The following DNAJC2 variants were observed in gnomAD, a reference collection of about 807,000 sequenced individuals.
The protein encoded by DNAJC2 is DnaJ heat shock protein family (Hsp40) member C2, also known as dnaJ homolog subfamily C member 2.
A neutral mutation model predicts 94.0 loss-of-function variants in DNAJC2; 32 were observed. The observed-to-expected ratio is 0.34, with a 90% CI of 0.26 to 0.46. DNAJC2 has a LOEUF of 0.46. DNAJC2 is among the 20% of genes least tolerant of loss of function. The probability of loss-of-function intolerance (pLI) is 1.00; values close to 1 mark genes in which losing one functional copy is unlikely to be tolerated. For missense variants in DNAJC2, 550 were observed against 719.5 expected (o/e 0.76, Z 2.69); for synonymous variants, 210 against 229.7 (o/e 0.91, Z 0.77).
Position 103,323,468 on chromosome 7 carries a change from T to C in DNAJC2, c.719+130A>G. 4 of 987,618 alleles carry C rather than the reference T, an allele frequency of 4.1e-6. No homozygotes were observed. The South Asian group carries it at 5.4e-5, about 13-fold the overall frequency. The allele number at this position is 987,618 out of a possible 1,614,324, so 61.2% of individuals were successfully genotyped here. On this transcript the variant is annotated intron_variant, in intron 7 of 16. Transcript: ENST00000379263. ...ACTTGTGAGAAAGGATTTCAAAATA[T>C]TAAAAAATTGTTTAAAAAAGATGTA...
intron 3 of DNAJC2, among the ~76,000 whole-genome samples, chr7:103,333,884 A>G (rs898037446): frequency 6.6e-6 from 1 of 151,296 alleles, no homozygotes; most frequent in Non-Finnish European, 1.5e-5. Context: ...TTGCTTATCT[A>G]TTTCCATGTT....
intron 3 of DNAJC2, among the ~76,000 whole-genome samples, chr7:103,330,138 C>T (rs1029741302): frequency 6.6e-6 from 1 of 152,196 alleles, no homozygotes; most frequent in South Asian, 2.1e-4. Context: ...TGTGCTTTCA[C>T]TACCTACTCA....
intron 3 of DNAJC2, chr7:103,335,295 T>G (rs1054717765): frequency 2.0e-5 from 3 of 152,238 alleles, no homozygotes; most frequent in African/African-American, 7.2e-5. Flanking sequence ...TTGCAAACAG[T>G]AACTTTGCAT....
At position 103,341,963 on chromosome 7, in the gene DNAJC2, G is replaced by T. The variant is rs1330514166; in HGVS notation, c.65-9C>A. 1.3e-6 allele frequency: 2 copies of T among 1,556,160 alleles called. No individual in the cohort carries two copies. Among genetic ancestry groups the T allele is most frequent in the Non-Finnish European group, 1.7e-6 (2 of 1,153,702 alleles). ...TTGACAGAGTGTAGAGGCTGTGATT[G>T]AAAGTGTTAAGAGAGGCTTCAGTGT... On this transcript the variant is annotated splice_polypyrimidine_tract_variant and intron_variant, in intron 1 of 16. Transcript: ENST00000379263.
Position 103,344,712 on chromosome 7 carries a change from G to A in DNAJC2, c.-90C>T, listed in dbSNP as rs1819538427. Reference sequence around the variant, plus strand: ...CCCCTCCAGCTCTACCTCTCACTCCGAGCCTCGCGCCTTGGCTCTAAGACG... The same window carrying A: ...CCCCTCCAGCTCTACCTCTCACTCCAAGCCTCGCGCCTTGGCTCTAAGACG... On this transcript the variant is annotated 5_prime_UTR_variant, in exon 1 of 17. Transcript: ENST00000379263. The A allele has an allele frequency of 1.4e-6, 2 of 1,381,164 alleles. No homozygotes were observed. The highest frequency in any genetic ancestry group is 2.0e-6 in the Non-Finnish European group (2 of 988,344). 85.6% of individuals were successfully genotyped at this position (1,381,164 alleles called of 1,614,324 possible).
At chr7:103,343,226 G>A (rs1819458624) in intron 1 of DNAJC2, among the ~76,000 whole-genome samples, 1 of 151,186 alleles carries the variant, frequency 6.6e-6, no homozygotes, top group South Asian at 2.1e-4. Context: ...GTCTCGAACT[G>A]CTGACCTCAG....
In DNAJC2 at chr7:103,344,568, G is replaced by C. The variant is rs1410181415; in HGVS notation, c.55C>G (p.Leu19Val). 6.2e-7 allele frequency: 1 copy of C among 1,613,698 alleles called. No homozygotes were observed. Among genetic ancestry groups the C allele is most frequent in the African/African-American group, 1.3e-5 (1 of 75,064 alleles). Residue 19 changes from leucine to valine, a missense_variant, in exon 1 of 17, where the codon CTG becomes GTG. Leu to Val is a conservative substitution (Grantham distance 32). Coordinates refer to ENST00000379263, the MANE Select transcript of DNAJC2 (RefSeq NM_014377.3). The part of the protein sequence containing the change: ...DGRGTAITHA[L>V]TSASTLCQVE... ...TTGGGTGGGCACTTACCAGAGGTCA[G>C]AGCGTGGGTGATGGCGGTGCCCCGG... is the stretch of plus-strand genomic sequence containing the variant.
intron 7 of DNAJC2, 139 bp from the exon 8 acceptor site, chr7:103,322,933 ATT>A (rs375301640): frequency 7.2e-4 from 416 of 577,062 alleles, no homozygotes; most frequent in Middle Eastern, 2.1e-3. Flanking sequence ...TTAAACAATG[ATT>A]TTTTTTTTTT....
At chr7:103,319,923 T>C in intron 10 of DNAJC2, 79 bp from the exon 11 acceptor site, 1 of 1,481,452 alleles carries the variant, frequency 6.8e-7, no homozygotes, top group Non-Finnish European at 9.4e-7. Context: ...TAATCCCAGC[T>C]ACTCGGGAGG....
chr7:103,341,146 G>A (rs540576495), intron 2 of DNAJC2, among the ~76,000 whole-genome samples: 12 of 152,270 alleles, frequency 7.9e-5, no homozygotes, highest in African/African-American at 2.9e-4. Flanking sequence ...TTCAGTCACA[G>A]GTCTGCCTTA....
chr7:103,319,923 TA>T, intron 10 of DNAJC2, 79 bp from the exon 11 acceptor site: 1 of 1,481,452 alleles, frequency 6.8e-7, no homozygotes, highest in South Asian at 1.1e-5. Flanking sequence ...TAATCCCAGC[TA>T]CTCGGGAGGC....
chr7:103,344,465 G>C (rs1194652571), intron 1 of DNAJC2, 94 bp downstream of exon 1: 1 of 1,442,210 alleles, frequency 6.9e-7, no homozygotes, highest in South Asian at 1.1e-5. Context: ...TAGTCGCCAG[G>C]GTCAAGGGTA....
chr7:103,316,744 G>A (rs1818081591), intron 13 of DNAJC2, 86 bp downstream of exon 13: 1 of 1,127,272 alleles, frequency 8.9e-7, no homozygotes. Flanking sequence ...AAGTTTCTGT[G>A]ATAACAAGTG....
chr7:103,344,483 C>A, intron 1 of DNAJC2, 76 bp downstream of exon 1: 1 of 1,548,610 alleles, frequency 6.5e-7, no homozygotes, highest in East Asian at 2.2e-5. Context: ...GTAGAGAGAG[C>A]CCAGGGTTGC....
intron 15 of DNAJC2, 162 bp from the exon 16 acceptor site, chr7:103,313,263 A>G (rs952069700): frequency 3.6e-5 from 48 of 1,350,838 alleles, no homozygotes; most frequent in Non-Finnish European, 4.5e-5. Flanking sequence ...CTGAGTGTTA[A>G]TAAGAGAAAA....
chr7:103,325,273 G>A (rs1410214251), intron 5 of DNAJC2, among the ~76,000 whole-genome samples: 2 of 152,006 alleles, frequency 1.3e-5, no homozygotes, highest in African/African-American at 2.4e-5. Flanking sequence ...GTGAAACCCC[G>A]TCTCTACTAA....
chr7:103,342,596 C>A (rs1819417585), intron 1 of DNAJC2, among the ~76,000 whole-genome samples: 1 of 151,354 alleles, frequency 6.6e-6, no homozygotes, highest in African/African-American at 2.4e-5. Context: ...TGAGCCACTG[C>A]ACCCACCTGG....
chr7:103,338,803 G>A (rs547525448), intron 2 of DNAJC2, among the ~76,000 whole-genome samples: 21 of 152,044 alleles, frequency 1.4e-4, no homozygotes, highest in African/African-American at 3.9e-4. Flanking sequence ...CCAGCTACTC[G>A]GGAGGCTGAG....
At chr7:103,342,621 T>G (rs1398799341) in intron 1 of DNAJC2, among the ~76,000 whole-genome samples, 1 of 150,954 alleles carries the variant, frequency 6.6e-6, no homozygotes, top group Non-Finnish European at 1.5e-5. Context: ...TTTTTTTTTT[T>G]TTTTTGGGAC....
Sources: gnomAD v4.1 joint callset for allele counts (sites outside exome capture counted in the v4.1 genomes callset) on GRCh38, gnomAD v4.1.1 for gene constraint, MANE v1.5 for transcripts, NCBI Gene and HGNC (gene_info 2026-07-23, HGNC 2026-07-21) for gene names.